The following PLSCR2 variants were observed in gnomAD, a reference collection of about 807,000 sequenced individuals.
PLSCR2 encodes phospholipid scramblase 2, also known as PL scramblase 2.
A neutral mutation model predicts 25.3 loss-of-function variants in PLSCR2; 18 were observed. That is an observed-to-expected ratio of 0.71 (90% CI 0.49 to 1.06). PLSCR2 has a LOEUF of 1.06. Among genes scored for constraint, PLSCR2 ranks in the 50% least tolerant of loss-of-function variants. The pLI, the probability that PLSCR2 is intolerant of heterozygous loss-of-function variation, is 0.00. For synonymous variants in PLSCR2, 88 were observed against 87.3 expected (o/e 1.01, Z -0.04); for missense variants, 243 against 269.5 (o/e 0.90, Z 0.69).
chr3:146,392,122 G>A (rs2038102457), intron 3 of PLSCR2, among the ~76,000 whole-genome samples: 1 of 151,916 alleles, frequency 6.6e-6, no homozygotes, highest in Non-Finnish European at 1.5e-5. Context: ...AATGTATTTA[G>A]TAAGCCTCAT....
chr3:146,435,734 C>A (rs150717062), intron 8 of PLSCR2, among the ~76,000 whole-genome samples: 1,731 of 152,240 alleles, frequency 0.011, 33 homozygotes, highest in African/African-American at 0.039. Flanking sequence ...CCTGTTCACT[C>A]TGATGGTAGT....
chr3:146,483,259 T>C lies in PLSCR2; in HGVS notation c.-293+12636A>G, dbSNP rs559710207. Among the ~76,000 whole-genome samples, 6 of 126,088 alleles carry C rather than the reference T, an allele frequency of 4.8e-5. No individual in the cohort carries two copies. In the South Asian group the frequency reaches 8.0e-4, roughly 17 times the overall value. 82.7% of individuals were successfully genotyped at this position (126,088 alleles called of 152,430 possible). A position where few individuals can be genotyped will look rare whatever the true frequency, so the allele number is the denominator to read the frequency against. ...TGAACAGACACTTCGTAGGTGGGAA[T>C]TGAACAATGAACGTGGTGAACGGGG... On this transcript the variant is annotated intron_variant, in intron 1 of 8. Coordinates refer to the PLSCR2 transcript ENST00000336685.
At chr3:146,438,602 CT>C (rs1193653782), downstream of PLSCR2, among the ~76,000 whole-genome samples, 3 of 151,960 alleles carry the variant, frequency 2.0e-5, no homozygotes, top group South Asian at 2.1e-4. Context: ...GCAAACCCTG[CT>C]TTTTTTTGTT....
intron 2 of PLSCR2, among the ~76,000 whole-genome samples, chr3:146,400,568 C>A: frequency 6.7e-6 from 1 of 149,990 alleles, no homozygotes. Context: ...CAAATTAATC[C>A]ATTGATTAAA....
At chr3:146,414,338 A>C (rs1660159191) in intron 2 of PLSCR2, among the ~76,000 whole-genome samples, 1 of 152,232 alleles carries the variant, frequency 6.6e-6, no homozygotes, top group African/African-American at 2.4e-5. Context: ...GAAGCTCTTC[A>C]GTGCAATCCT....
At chr3:146,458,630 A>T (rs1334476970) in intron 2 of PLSCR2, among the ~76,000 whole-genome samples, 177 bp from the exon 3 acceptor site, 2 of 152,104 alleles carry the variant, frequency 1.3e-5, no homozygotes, top group African/African-American at 2.4e-5. Context: ...TTTAATTAAA[A>T]ATGCTGTATG....
chr3:146,489,208 C>T (rs2043456594), intron 1 of PLSCR2, among the ~76,000 whole-genome samples: 1 of 151,932 alleles, frequency 6.6e-6, no homozygotes, highest in Non-Finnish European at 1.5e-5. Flanking sequence ...ATAGCTAATG[C>T]ATGTGGGGCT....
At chr3:146,461,085 T>C (rs188067354), upstream of PLSCR2, among the ~76,000 whole-genome samples, 52 of 152,322 alleles carry the variant, frequency 3.4e-4, no homozygotes, top group Middle Eastern at 3.4e-3. Flanking sequence ...ATTTAATAAG[T>C]ATAATCTTTA....
At chr3:146,449,626 A>G (rs920446122) in intron 5 of PLSCR2, among the ~76,000 whole-genome samples, 2 of 149,822 alleles carry the variant, frequency 1.3e-5, no homozygotes, top group African/African-American at 2.5e-5. Flanking sequence ...ATTAAGATAG[A>G]CATTAATATA....
At chr3:146,470,853 A>T (rs1368223714) in intron 1 of PLSCR2, among the ~76,000 whole-genome samples, 3 of 152,216 alleles carry the variant, frequency 2.0e-5, no homozygotes, top group Admixed American at 6.5e-5. Flanking sequence ...ATTACTTGAC[A>T]ATCTCTTTGC....
intron 1 of PLSCR2, among the ~76,000 whole-genome samples, chr3:146,492,134 C>A (rs1348242351): frequency 6.6e-6 from 1 of 152,094 alleles, no homozygotes; most frequent in Non-Finnish European, 1.5e-5. Context: ...GCTGTATGTT[C>A]CGACCCTACT....
At chr3:146,470,697 TG>T (rs539120273) in intron 1 of PLSCR2, among the ~76,000 whole-genome samples, 2 of 149,464 alleles carry the variant, frequency 1.3e-5, no homozygotes, top group East Asian at 2.0e-4. Flanking sequence ...CTAAGAGAGG[TG>T]GGGGGAGGGA....
In PLSCR2 at chr3:146,436,330, T is replaced by C. The variant is rs1397715335; in HGVS notation, c.*35-2813A>G. 2.6e-5 allele frequency among the ~76,000 whole-genome samples: 4 copies of C among 152,200 alleles called. No individual in the cohort carries two copies. The East Asian group carries it at 5.8e-4, about 22-fold the overall frequency. On this transcript the variant is annotated intron_variant, in intron 8 of 8. Coordinates refer to the PLSCR2 transcript ENST00000336685. Reference sequence around the variant, plus strand: ...TGAAGAAAGTTCATTGGTAGCTTGATGGGGATGGCATTGAATCTATAAATT... The same window carrying C: ...TGAAGAAAGTTCATTGGTAGCTTGACGGGGATGGCATTGAATCTATAAATT...
intron 5 of PLSCR2, among the ~76,000 whole-genome samples, chr3:146,451,115 T>C (rs1254728581): frequency 2.8e-5 from 4 of 141,816 alleles, no homozygotes; most frequent in Admixed American, 7.1e-5. Flanking sequence ...TTCTTTTTTT[T>C]TTTTTTTTTT....
At chr3:146,451,720 A>G (rs1445223688) in intron 5 of PLSCR2, among the ~76,000 whole-genome samples, 2 of 152,186 alleles carry the variant, frequency 1.3e-5, no homozygotes, top group Non-Finnish European at 2.9e-5. Flanking sequence ...GTAAGGCCAG[A>G]GTTTGAGTTA....
chr3:146,446,249 T>C (rs1421831455), intron 6 of PLSCR2, among the ~76,000 whole-genome samples: 1 of 152,140 alleles, frequency 6.6e-6, no homozygotes. Context: ...GTTAGGTGTT[T>C]ATTGCAGTCT....
At chr3:146,493,923 G>T (rs904672305) in intron 1 of PLSCR2, among the ~76,000 whole-genome samples, 2 of 151,528 alleles carry the variant, frequency 1.3e-5, no homozygotes, top group African/African-American at 4.8e-5. Flanking sequence ...TGGTTTTGGG[G>T]AATATGACAT....
intron 2 of PLSCR2, among the ~76,000 whole-genome samples, chr3:146,409,350 CTCTTCTCG>C (rs1576574662): frequency 6.6e-6 from 1 of 151,970 alleles, no homozygotes; most frequent in South Asian, 2.1e-4. Context: ...GTGAGGGAGA[CTCTTCTCG>C]TCTTCAGAGG....
intron 1 of PLSCR2, among the ~76,000 whole-genome samples, chr3:146,488,490 C>A (rs946323800): frequency 2.0e-5 from 3 of 151,532 alleles, no homozygotes; most frequent in African/African-American, 4.8e-5. Flanking sequence ...AAGAAAAAAA[C>A]CAACCCCATC....
Sources: gnomAD v4.1 joint callset for allele counts (sites outside exome capture counted in the v4.1 genomes callset) on GRCh38, gnomAD v4.1.1 for gene constraint, MANE v1.5 for transcripts, NCBI Gene and HGNC (gene_info 2026-07-23, HGNC 2026-07-21) for gene names.